The following NAV2 variants were observed in gnomAD, a reference collection of about 807,000 sequenced individuals.
The protein encoded by NAV2 is helicase, APC down-regulated 1.
In NAV2, 54 loss-of-function variants were observed where a neutral mutation model predicts 223.2. The ratio of observed to expected loss-of-function variants is 0.24; its 90% CI spans 0.19 to 0.30. The LOEUF (loss-of-function observed/expected upper bound fraction) is 0.30, where lower values mean the gene tolerates loss of function less well. NAV2 is among the 10% of genes least tolerant of loss of function. The probability of loss-of-function intolerance (pLI) is 1.00; values close to 1 mark genes in which losing one functional copy is unlikely to be tolerated. For missense variants in NAV2, 2,806 were observed against 3,147.5 expected (o/e 0.89, Z 2.60); for synonymous variants, 1,279 against 1,239.3 (o/e 1.03, Z -0.67).
chr11:19,549,821 G>A (rs558932257), intron 1 of NAV2, among the ~76,000 whole-genome samples: 2 of 152,302 alleles, frequency 1.3e-5, no homozygotes, highest in African/African-American at 4.8e-5. Context: ...CCCCACCAAG[G>A]GCACCATAGA....
chr11:19,405,395 C>G (rs1335290237), intron 1 of NAV2, among the ~76,000 whole-genome samples: 1 of 152,190 alleles, frequency 6.6e-6, no homozygotes, highest in Non-Finnish European at 1.5e-5. Context: ...CTCTCGTCTT[C>G]CCCTTCATGA....
chr11:19,640,948 C>T (rs886732203), intron 1 of NAV2, among the ~76,000 whole-genome samples: 4 of 152,196 alleles, frequency 2.6e-5, no homozygotes, highest in Non-Finnish European at 5.9e-5. Flanking sequence ...TATACTTCCC[C>T]AAAGTCCCCA....
At chr11:19,427,644 G>A (rs372581806) in intron 1 of NAV2, among the ~76,000 whole-genome samples, 8 of 152,088 alleles carry the variant, frequency 5.3e-5, no homozygotes, top group Non-Finnish European at 8.8e-5. Flanking sequence ...AAGGCGGGGC[G>A]GAATTGCAAT....
intron 1 of NAV2, among the ~76,000 whole-genome samples, chr11:19,527,298 AC>A (rs1453632630): frequency 6.6e-6 from 1 of 152,116 alleles, no homozygotes; most frequent in South Asian, 2.1e-4. Context: ...TGTAAGATGT[AC>A]CTTTTGCCTT....
intron 1 of NAV2, among the ~76,000 whole-genome samples, chr11:19,715,749 A>G (rs1438605048): frequency 6.6e-6 from 1 of 152,112 alleles, no homozygotes; most frequent in Non-Finnish European, 1.5e-5. Flanking sequence ...CACTTCCCTC[A>G]AGACTTTGCT....
chr11:19,483,735 C>T (rs1181778009), intron 1 of NAV2, among the ~76,000 whole-genome samples: 2 of 152,206 alleles, frequency 1.3e-5, no homozygotes, highest in South Asian at 4.2e-4. Flanking sequence ...TAAACAGAAA[C>T]GTGTTCTGAT....
chr11:20,062,233 G>A, intron 19 of NAV2, 74 bp from the exon 20 acceptor site: 1 of 1,087,724 alleles, frequency 9.2e-7, no homozygotes, highest in Non-Finnish European at 1.4e-6. Context: ...TATTGCTGAT[G>A]TTCTCCTCCC....
chr11:19,622,379 G>A lies in NAV2; in HGVS notation c.76-210105G>A, dbSNP rs1489957927. On this transcript the variant is annotated intron_variant, in intron 1 of 37. Transcript: ENST00000360655. ...GGTGTTAAAGTCTCCCATTATTATT[G>A]TGTGGGAGTCTAAGTCTCTTTGTAG... Among the ~76,000 whole-genome samples the A allele has an allele frequency of 3.3e-5, 5 of 152,130 alleles. No individual in the cohort carries two copies. In the East Asian group the frequency reaches 9.6e-4, roughly 29 times the overall value.
chr11:19,624,227 A>C (rs1165646279), intron 1 of NAV2, among the ~76,000 whole-genome samples: 1 of 152,152 alleles, frequency 6.6e-6, no homozygotes, highest in Non-Finnish European at 1.5e-5. Context: ...GGGCCCACTG[A>C]GGAGGCAGTC....
At chr11:19,391,873 T>A (rs960725411) in intron 1 of NAV2, among the ~76,000 whole-genome samples, 10 of 152,232 alleles carry the variant, frequency 6.6e-5, no homozygotes, top group African/African-American at 2.4e-4. Context: ...CTGCTGTGTC[T>A]CCACCCATCA....
intron 1 of NAV2, among the ~76,000 whole-genome samples, chr11:19,580,060 C>T (rs750449961): frequency 2.6e-5 from 4 of 152,154 alleles, no homozygotes; most frequent in African/African-American, 4.8e-5. Flanking sequence ...AGCTGTTAAA[C>T]GGAAAGCTCT....
chr11:19,527,229 A>G (rs1304688564), intron 1 of NAV2, among the ~76,000 whole-genome samples: 1 of 152,030 alleles, frequency 6.6e-6, no homozygotes, highest in Non-Finnish European at 1.5e-5. Flanking sequence ...ACGAGATCTG[A>G]TGGTTTTATA....
At chr11:19,979,577 G>T (rs550832783) in intron 10 of NAV2, among the ~76,000 whole-genome samples, 1 of 152,152 alleles carries the variant, frequency 6.6e-6, no homozygotes, top group African/African-American at 2.4e-5. Context: ...ACTCCTCTGC[G>T]ACGCTTTCTC....
intron 1 of NAV2, among the ~76,000 whole-genome samples, chr11:19,404,197 A>G (rs1279949454): frequency 6.6e-6 from 1 of 152,146 alleles, no homozygotes; most frequent in Non-Finnish European, 1.5e-5. Context: ...GGCTTTCTTC[A>G]TGGAGGGGGA....
chr11:19,369,839 G>T (rs1326894598), intron 1 of NAV2, among the ~76,000 whole-genome samples: 3 of 152,198 alleles, frequency 2.0e-5, no homozygotes, highest in African/African-American at 2.4e-5. Context: ...TAGGCACCTT[G>T]ACATCTCTTT....
intron 1 of NAV2, among the ~76,000 whole-genome samples, chr11:19,787,950 C>A (rs776079950): frequency 1.3e-4 from 20 of 152,222 alleles, no homozygotes; most frequent in Admixed American, 2.6e-4. Flanking sequence ...TGTACTCTCT[C>A]CTCTCCAAAA....
chr11:19,686,652 G>T (rs557107824), intron 1 of NAV2, among the ~76,000 whole-genome samples: 1 of 152,214 alleles, frequency 6.6e-6, no homozygotes, highest in African/African-American at 2.4e-5. Flanking sequence ...CTGCCCAGGT[G>T]GGGAGGACCC....
chr11:20,077,879 G>A (rs2059860891), intron 23 of NAV2, 114 bp from the exon 24 acceptor site: 2 of 827,186 alleles, frequency 2.4e-6, no homozygotes, highest in Non-Finnish European at 4.0e-6. Context: ...CCATCTGAAA[G>A]GTTTTGTTGA....
rs2057327419 is a variant in NAV2 at position 20,045,335 on chromosome 11, G to A, written c.3567G>A (p.Gln1189=). Residue 1189 remains glutamine (Q), a synonymous_variant, in exon 14 of 38, where the codon CAG becomes CAA. Transcript: ENST00000349880. The part of the protein sequence containing the change: ...YLALSSRTNL[Q]YRSLPRPSKS... ...CCCTAAGCTCCCGGACAAACCTTCA[G>A]TACCGGAGTTTGCCGAGGCCCAGTA... 1.9e-6 allele frequency: 3 copies of A among 1,614,186 alleles called. No homozygotes were observed. Among genetic ancestry groups the A allele is most frequent in the Non-Finnish European group, 8.5e-7 (1 of 1,180,034 alleles).
Sources: allele counts gnomAD v4.1 joint callset (sites outside exome capture counted in the v4.1 genomes callset), GRCh38; gene constraint gnomAD v4.1.1; transcripts MANE v1.5; gene names NCBI Gene and HGNC (gene_info 2026-07-23, HGNC 2026-07-21).